TSNARE1: variants seen among roughly 807,000 people sequenced by gnomAD.
TSNARE1 encodes t-SNARE domain containing 1.
In TSNARE1, 49 loss-of-function variants were observed where a neutral mutation model predicts 62.0. The ratio of observed to expected loss-of-function variants is 0.79; its 90% confidence interval spans 0.63 to 1.00. The LOEUF is 1.00. Ranked by LOEUF, TSNARE1 falls within the 50% of genes least tolerant of loss-of-function variation. TSNARE1 has a pLI of 0.00. For missense variants in TSNARE1, 755 were observed against 700.1 expected (o/e 1.08, Z -0.88); for synonymous variants, 328 against 294.4 (o/e 1.11, Z -1.17).
chr8:142,316,250 T>C (rs993042117), intron 7 of TSNARE1, among the ~76,000 whole-genome samples: 15 of 151,724 alleles, frequency 9.9e-5, no homozygotes, highest in African/African-American at 3.6e-4. Context: ...GCTGCTGACA[T>C]CACTGCCCGA....
intron 13 of TSNARE1, among the ~76,000 whole-genome samples, chr8:142,226,909 A>T (rs1470601794): frequency 6.6e-6 from 1 of 151,390 alleles, no homozygotes; most frequent in Non-Finnish European, 1.5e-5. Flanking sequence ...GGACACAATA[A>T]CAAGTCCCCC....
intron 12 of TSNARE1, among the ~76,000 whole-genome samples, chr8:142,261,735 G>A (rs918869922): frequency 8.5e-5 from 13 of 152,070 alleles, no homozygotes; most frequent in Non-Finnish European, 1.8e-4. Context: ...GCCAAACCAC[G>A]AGCTCCGACA....
In TSNARE1 at chr8:142,305,412, C is replaced by T. The variant is rs548625799; in HGVS notation, c.1132-4768G>A. Among the ~76,000 whole-genome samples, 20 of 152,138 alleles carry T rather than the reference C, an allele frequency of 1.3e-4. No individual in the cohort carries two copies. In the East Asian group the frequency reaches 3.5e-3, roughly 27 times the overall value. On this transcript the variant is annotated intron_variant, in intron 9 of 13. Coordinates refer to ENST00000524325, the MANE Select transcript of TSNARE1 (RefSeq NM_145003.5). ...CCAGGAAAGCGGCCAGGCTGGGGTGCGGGCTGTGTGGACACCCAGGAAGGC... is the reference window on the plus strand; with the variant it reads ...CCAGGAAAGCGGCCAGGCTGGGGTGTGGGCTGTGTGGACACCCAGGAAGGC...
chr8:142,383,962 C>A (rs926981991), intron 1 of TSNARE1, among the ~76,000 whole-genome samples: 8 of 152,158 alleles, frequency 5.3e-5, no homozygotes, highest in Admixed American at 1.3e-4. Flanking sequence ...AGAGGGCAGG[C>A]AGGGCCCACA....
intron 13 of TSNARE1, among the ~76,000 whole-genome samples, chr8:142,224,845 C>G (rs1816699902): frequency 6.6e-6 from 1 of 152,124 alleles, no homozygotes; most frequent in South Asian, 2.1e-4. Flanking sequence ...TGGGTCTGGG[C>G]AGAGCAGTCA....
At chr8:142,275,281 A>C (rs1436728664) in intron 11 of TSNARE1, 24 of 985,388 alleles carry the variant, frequency 2.4e-5, no homozygotes, top group Non-Finnish European at 2.9e-5. Flanking sequence ...TGGAGTTGCG[A>C]CGCGGCTGAT....
chr8:142,255,797 T>C (rs1027240572), intron 12 of TSNARE1, among the ~76,000 whole-genome samples: 2 of 47,472 alleles, frequency 4.2e-5, no homozygotes, highest in African/African-American at 1.7e-4. Context: ...ATCATCACCA[T>C]CACCACCACC....
intron 1 of TSNARE1, among the ~76,000 whole-genome samples, chr8:142,370,516 GAGCCAAGCACCAC>G (rs953632523): frequency 2.6e-5 from 4 of 152,114 alleles, no homozygotes; most frequent in African/African-American, 9.7e-5. Flanking sequence ...AGATCACAGT[GAGCCAAGCACCAC>G]CGCACTCCAG....
intron 12 of TSNARE1, chr8:142,269,327 G>A (rs1819317107): frequency 2.3e-5 from 13 of 576,342 alleles, no homozygotes; most frequent in Non-Finnish European, 2.8e-5. Context: ...CAGGGCTCAG[G>A]GTCAAGGCTC....
intron 12 of TSNARE1, among the ~76,000 whole-genome samples, chr8:142,262,945 A>G (rs1000349957): frequency 6.6e-6 from 1 of 152,240 alleles, no homozygotes; most frequent in Non-Finnish European, 1.5e-5. Context: ...TGTGGACTTT[A>G]GACGAGCCAC....
At chr8:142,246,654 GC>G (rs1817896190) in intron 12 of TSNARE1, among the ~76,000 whole-genome samples, 1 of 152,142 alleles carries the variant, frequency 6.6e-6, no homozygotes, top group African/African-American at 2.4e-5. Context: ...TGAGCCCTGG[GC>G]CCCTCGTCTT....
chr8:142,289,560 C>A (rs543009881), intron 10 of TSNARE1, among the ~76,000 whole-genome samples: 1 of 152,166 alleles, frequency 6.6e-6, no homozygotes, highest in East Asian at 1.9e-4. Context: ...CTGCAGGCTA[C>A]GAACACACCA....
chr8:142,288,015 C>T (rs921541157), intron 10 of TSNARE1, among the ~76,000 whole-genome samples: 1 of 152,260 alleles, frequency 6.6e-6, no homozygotes, highest in Non-Finnish European at 1.5e-5. Context: ...TACGTGTGTG[C>T]ACCCATCAAT....
chr8:142,304,828 C>T (rs1826391169), intron 9 of TSNARE1, among the ~76,000 whole-genome samples: 4 of 152,192 alleles, frequency 2.6e-5, no homozygotes, highest in Admixed American at 2.6e-4. Flanking sequence ...AGACGTTCCT[C>T]CCAGGGGGGA....
rs984315599 is a variant in TSNARE1, at chr8:142,376,018, G to C, written c.-39-21255C>G. ...CCCTGTGCTGGACACTTCACAAGTCGGACCAGCCGCTATAAACATACGGAA... is the reference window on the plus strand; with the variant it reads ...CCCTGTGCTGGACACTTCACAAGTCCGACCAGCCGCTATAAACATACGGAA... On this transcript the variant is annotated intron_variant, in intron 1 of 13. Transcript: ENST00000524325. Among the ~76,000 whole-genome samples, 10 of 152,300 alleles carry C rather than the reference G, an allele frequency of 6.6e-5. No individual in the cohort carries two copies. In the East Asian group the frequency reaches 1.9e-3, roughly 29 times the overall value.
chr8:142,322,837 C>G (rs72687386), intron 6 of TSNARE1, among the ~76,000 whole-genome samples: 2 of 133,672 alleles, frequency 1.5e-5, no homozygotes, highest in Non-Finnish European at 3.2e-5. Context: ...GATACTATTA[C>G]GAAAGGCCGG....
chr8:142,376,959 G>A (rs1038383712), intron 1 of TSNARE1, among the ~76,000 whole-genome samples: 1 of 152,236 alleles, frequency 6.6e-6, no homozygotes, highest in Admixed American at 6.5e-5. Context: ...AAGCACTCCT[G>A]AGTCACACAG....
In TSNARE1 at chr8:142,318,646, G is replaced by C. The variant is rs777691198; in HGVS notation, c.894-12C>G. The C allele has an allele frequency of 2.4e-5, 39 of 1,613,328 alleles. No homozygotes were observed. Among genetic ancestry groups the C allele is most frequent in the Non-Finnish European group, 3.1e-5 (37 of 1,179,922 alleles). On this transcript the variant is annotated splice_polypyrimidine_tract_variant and intron_variant, in intron 6 of 13. Transcript: ENST00000524325. ...GCTGTGCCGTGTGCCTGGGGGCCGAGAAGGAGCCAGGAGCGAAGGCAGGGG... is the reference window on the plus strand; with the variant it reads ...GCTGTGCCGTGTGCCTGGGGGCCGACAAGGAGCCAGGAGCGAAGGCAGGGG...
At chr8:142,382,341 G>A (rs1836828968) in intron 1 of TSNARE1, among the ~76,000 whole-genome samples, 1 of 152,200 alleles carries the variant, frequency 6.6e-6, no homozygotes, top group Admixed American at 6.5e-5. Context: ...GGCACAAATG[G>A]GCGGTCAGAA....
Sources: allele counts gnomAD v4.1 joint callset (sites outside exome capture counted in the v4.1 genomes callset), GRCh38; gene constraint gnomAD v4.1.1; transcripts MANE v1.5; gene names NCBI Gene and HGNC (gene_info 2026-07-23, HGNC 2026-07-21).